Variants in CIMAP3 observed in about 807,000 individuals in gnomAD.
CIMAP3 encodes the protein ciliary microtubule-associated protein 3.
the CIMAP3 span, among the ~76,000 whole-genome samples, chr1:111,329,688 G>A: frequency 6.6e-6 from 1 of 151,354 alleles, no homozygotes; most frequent in South Asian, 2.1e-4. Context: ...CTGAGTAGCT[G>A]GGACTACAGG....
At chr1:111,343,891 G>A in the CIMAP3 span, among the ~76,000 whole-genome samples, 1 of 151,966 alleles carries the variant, frequency 6.6e-6, no homozygotes, top group Non-Finnish European at 1.5e-5. Flanking sequence ...TTTCTTTTAG[G>A]CTCTTACCTA....
the CIMAP3 span, among the ~76,000 whole-genome samples, chr1:111,330,397 T>C: frequency 7.9e-3 from 1,206 of 152,318 alleles, 15 homozygotes; most frequent in African/African-American, 0.027. Context: ...AGGCTTTGTG[T>C]GGGGCCTTTA....
the CIMAP3 span, among the ~76,000 whole-genome samples, chr1:111,346,120 C>T: frequency 6.6e-6 from 1 of 152,192 alleles, no homozygotes; most frequent in African/African-American, 2.4e-5. Flanking sequence ...CACGGCCCCC[C>T]GGGATAGAAT....
the CIMAP3 span, chr1:111,347,152 T>G: frequency 7.6e-7 from 1 of 1,312,876 alleles, no homozygotes; most frequent in Non-Finnish European, 1.0e-6. Flanking sequence ...GGACTTGAGA[T>G]CTCCAGAGTC....
chr1:111,326,855 C>T, the CIMAP3 span, among the ~76,000 whole-genome samples: 2 of 152,032 alleles, frequency 1.3e-5, no homozygotes, highest in East Asian at 1.9e-4. Context: ...ATGTTGAGTT[C>T]TTTTCATATC....
chr1:111,324,990 C>T, the CIMAP3 span: 2 of 672,136 alleles, frequency 3.0e-6, no homozygotes, highest in Non-Finnish European at 3.7e-6. Context: ...TCTCTGATTA[C>T]ACAAGTTCTC....
At chr1:111,326,216 T>A in the CIMAP3 span, among the ~76,000 whole-genome samples, 1 of 152,144 alleles carries the variant, frequency 6.6e-6, no homozygotes, top group Non-Finnish European at 1.5e-5. Context: ...ATAACCATAG[T>A]CACTCTGCTG....
the CIMAP3 span, chr1:111,325,023 G>A: frequency 2.2e-6 from 1 of 445,090 alleles, no homozygotes; most frequent in African/African-American, 2.1e-5. Context: ...GAGGCAGAGA[G>A]AGTGTTCCAC....
chr1:111,338,779 G>A, the CIMAP3 span, among the ~76,000 whole-genome samples: 1 of 151,962 alleles, frequency 6.6e-6, no homozygotes, highest in South Asian at 2.1e-4. Flanking sequence ...AGAGGTACAA[G>A]GAGGAACTGG....
chr1:111,339,821 C>A, the CIMAP3 span, among the ~76,000 whole-genome samples: 1 of 151,824 alleles, frequency 6.6e-6, no homozygotes. Flanking sequence ...CATCAAGCTA[C>A]CAATGACTTT....
At chr1:111,334,206 A>G in the CIMAP3 span, among the ~76,000 whole-genome samples, 1 of 152,218 alleles carries the variant, frequency 6.6e-6, no homozygotes, top group Admixed American at 6.5e-5. Context: ...GCTGGACGAA[A>G]TAACTAAAAT....
the CIMAP3 span, among the ~76,000 whole-genome samples, chr1:111,334,694 T>A: frequency 6.6e-6 from 1 of 152,104 alleles, no homozygotes; most frequent in African/African-American, 2.4e-5. Flanking sequence ...TAAAAAGAGA[T>A]TTAAATGATA....
chr1:111,350,242 CTGTAGAAGACTCTTA>C, the CIMAP3 span: 1 of 1,543,480 alleles, frequency 6.5e-7, no homozygotes, highest in Non-Finnish European at 9.0e-7. Flanking sequence ...ATTGGAACTT[CTGTAGAAGACTCTTA>C]TTCGATCTAG....
chr1:111,346,631 G>T, the CIMAP3 span: 1 of 1,614,176 alleles, frequency 6.2e-7, no homozygotes, highest in Non-Finnish European at 8.5e-7. Flanking sequence ...CAGTACACAA[G>T]TGCTAGCCCT....
At chr1:111,329,295 G>A in the CIMAP3 span, among the ~76,000 whole-genome samples, 6 of 151,718 alleles carry the variant, frequency 4.0e-5, no homozygotes, top group South Asian at 1.3e-3. Context: ...CTTTCATCTG[G>A]ACCTTGGAAA....
At chr1:111,349,428 T>A in the CIMAP3 span, 25 of 152,360 alleles carry the variant, frequency 1.6e-4, no homozygotes, top group Admixed American at 5.2e-4. Flanking sequence ...CCAACAGGCT[T>A]ATTCTCAATG....
the CIMAP3 span, among the ~76,000 whole-genome samples, chr1:111,338,704 A>G: frequency 2.0e-5 from 3 of 152,122 alleles, no homozygotes; most frequent in Non-Finnish European, 4.4e-5. Context: ...AAATTGTGGC[A>G]ATAATCAATA....
At chr1:111,351,569 A>C in the CIMAP3 span, 3 of 343,080 alleles carry the variant, frequency 8.7e-6, no homozygotes, top group African/African-American at 6.4e-5. Flanking sequence ...TTGGGTGCTG[A>C]GTTGGGTGAT....
At chr1:111,344,682 C>T in the CIMAP3 span, among the ~76,000 whole-genome samples, 8 of 152,070 alleles carry the variant, frequency 5.3e-5, no homozygotes, top group African/African-American at 1.2e-4. Context: ...AGAAACTTTG[C>T]GAAATACATT....
Sources: allele counts gnomAD v4.1 joint callset (sites outside exome capture counted in the v4.1 genomes callset), GRCh38; gene constraint gnomAD v4.1.1; transcripts MANE v1.5; gene names NCBI Gene and HGNC (gene_info 2026-07-23, HGNC 2026-07-21).